The following ADAM33 variants were observed in gnomAD, a reference collection of about 807,000 sequenced individuals.
ADAM33 encodes the protein ADAM metallopeptidase domain 33.
ADAM33 carries 103 observed loss-of-function variants against 106.2 expected under a neutral mutation model. That is an observed-to-expected ratio of 0.97 (90% CI 0.83 to 1.14). The LOEUF (loss-of-function observed/expected upper bound fraction) is 1.14. Among genes scored for constraint, ADAM33 ranks in the 50% most tolerant of loss-of-function variants. ADAM33 has a pLI of 0.00. For synonymous variants in ADAM33, 483 were observed against 453.0 expected (o/e 1.07, Z -0.84); for missense variants, 1,120 against 1,096.6 (o/e 1.02, Z -0.30).
chr20:3,669,522 A>G, intron 20 of ADAM33, 24 bp downstream of exon 20: 1 of 1,557,410 alleles, frequency 6.4e-7, no homozygotes. Flanking sequence ...TTCCCTCTCC[A>G]CCTCCCCCTG....
chr20:3,681,698 G>C (rs1322604867), intron 1 of ADAM33, among the ~76,000 whole-genome samples: 1 of 152,138 alleles, frequency 6.6e-6, no homozygotes, highest in Non-Finnish European at 1.5e-5. Context: ...GCAAGTCCGG[G>C]CCCGGGGCCA....
At chr20:3,674,177 G>T in intron 7 of ADAM33, 42 bp from the exon 8 acceptor site, 2 of 1,614,140 alleles carry the variant, frequency 1.2e-6, no homozygotes, top group Non-Finnish European at 1.7e-6. Context: ...GGCTGAGCTG[G>T]CCCCATCCCT....
intron 15 of ADAM33, 43 bp from the exon 16 acceptor site, chr20:3,671,822 C>T (rs1248365988): frequency 1.9e-6 from 3 of 1,551,588 alleles, no homozygotes; most frequent in Non-Finnish European, 1.7e-6. Flanking sequence ...CAGTACCCCC[C>T]TTCCCCAAAC....
intron 18 of ADAM33, 37 bp from the exon 19 acceptor site, chr20:3,671,190 C>A: frequency 2.5e-6 from 4 of 1,612,798 alleles, no homozygotes; most frequent in Non-Finnish European, 3.4e-6. Flanking sequence ...GAGTCCTGAG[C>A]AGGTGCACCA....
chr20:3,671,497 C>G lies in ADAM33; in HGVS notation c.1906-1G>C, dbSNP rs777667815. The G allele has an allele frequency of 2.4e-5, 38 of 1,610,812 alleles. No individual in the cohort carries two copies. Among genetic ancestry groups the G allele is most frequent in the Non-Finnish European group, 3.2e-5 (38 of 1,178,130 alleles). On this transcript the variant is annotated splice_acceptor_variant, in intron 16 of 21. Transcript: ENST00000356518. LOFTEE classifies it high-confidence loss of function. The stretch of plus-strand genomic sequence containing the variant: ...TCCTGCAGCGCCTGCTCTGGCACAC[C>G]TACGGGCAGTGCACCAGGCAGTGAG...
intron 1 of ADAM33, among the ~76,000 whole-genome samples, chr20:3,679,893 C>G (rs1430717441): frequency 2.6e-5 from 4 of 152,178 alleles, no homozygotes; most frequent in Admixed American, 1.3e-4. Context: ...GCCGCCAGTG[C>G]AGAGGGGAAG....
intron 8 of ADAM33, 65 bp from the exon 9 acceptor site, chr20:3,673,976 G>A (rs2087758140): frequency 6.3e-7 from 1 of 1,598,326 alleles, no homozygotes; most frequent in Non-Finnish European, 8.5e-7. Context: ...CCTTCGTGGG[G>A]CGCCCTTCCT....
intron 19 of ADAM33, chr20:3,670,668 G>C: frequency 3.2e-6 from 1 of 316,038 alleles, no homozygotes; most frequent in Non-Finnish European, 6.0e-6. Flanking sequence ...GGGCAGCATG[G>C]TACAGGGACT....
At position 3,677,085 on chromosome 20, in the gene ADAM33, A is replaced by G. The variant is rs781399015; in HGVS notation, c.236T>C (p.Leu79Pro). The change falls in exon 3 of 22, where the codon CTT becomes CCT. Residue 79 changes from leucine to proline, a missense_variant. By Grantham distance (98) the Leu-to-Pro change is moderately conservative (BLOSUM62 -3). Coordinates refer to ENST00000356518, the MANE Select transcript of ADAM33 (RefSeq NM_025220.5). ...CACTCACTGGTTCTTCTCCAGCTCA[A>G]GCAGGAGCTCCTGGCCTTCAGCCTC... ...ALEAEGQELLLELEKNHRLLA... is the reference protein window; with the variant it reads ...ALEAEGQELLPELEKNHRLLA... 4 of 1,612,798 alleles carry G rather than the reference A, an allele frequency of 2.5e-6. No homozygotes were observed. The highest frequency in any genetic ancestry group is 2.2e-5 in the South Asian group (2 of 91,058).
chr20:3,672,939 C>A lies in ADAM33; in HGVS notation c.1134-41G>T, dbSNP rs776323285. 2.0e-6 allele frequency: 3 copies of A among 1,494,816 alleles called. No individual in the cohort carries two copies. The African/African-American group carries it at 4.2e-5, about 21-fold the overall frequency. The allele number at this position is 1,494,816 out of a possible 1,614,324, so 92.6% of individuals were successfully genotyped here. On this transcript the variant is annotated intron_variant, in intron 11 of 21. Transcript: ENST00000356518. ...GGGCATTGGGCATGGAGGGACAGTC[C>A]CCCAACCCCCGCGCTTCTCTGATCC... is the stretch of plus-strand genomic sequence containing the variant.
chr20:3,670,793 C>T lies in ADAM33; in HGVS notation c.2240+213G>A, dbSNP rs370286392. On this transcript the variant is annotated intron_variant, in intron 19 of 21. Transcript: ENST00000356518. Reference sequence around the variant, plus strand: ...CTGGGAGGTAGAGGGCCATGCCTTGCGGTGCTGGTGGTGGGGCAGGGATCC... The same window carrying T: ...CTGGGAGGTAGAGGGCCATGCCTTGTGGTGCTGGTGGTGGGGCAGGGATCC... Among the ~76,000 whole-genome samples the T allele has an allele frequency of 1.3e-4, 20 of 152,294 alleles. No homozygotes were observed. The East Asian group carries it at 2.3e-3, about 18-fold the overall frequency.
chr20:3,672,915 G>T lies in ADAM33; in HGVS notation c.1134-17C>A, dbSNP rs769070462. The T allele has an allele frequency of 1.9e-6, 3 of 1,546,894 alleles. No homozygotes were observed. In the African/African-American group the frequency reaches 4.1e-5, roughly 21 times the overall value. ...AACGGGTGCCTACCGGCACGGGGAG[G>T]GCATTGGGCATGGAGGGACAGTCCC... On this transcript the variant is annotated splice_polypyrimidine_tract_variant and intron_variant, in intron 11 of 21. Coordinates refer to ENST00000356518, the MANE Select transcript of ADAM33 (RefSeq NM_025220.5).
chr20:3,678,568 G>T (rs1388043992), intron 2 of ADAM33, among the ~76,000 whole-genome samples: 1 of 152,238 alleles, frequency 6.6e-6, no homozygotes, highest in Admixed American at 6.5e-5. Context: ...GTTGGGAGCT[G>T]CTGGGTCTCT....
intron 1 of ADAM33, 143 bp downstream of exon 1, chr20:3,681,765 C>A: frequency 7.7e-7 from 1 of 1,294,096 alleles, no homozygotes; most frequent in Non-Finnish European, 1.0e-6. Flanking sequence ...CCCAAAGAGT[C>A]CCCACGCCCT....
At chr20:3,679,099 G>A (rs940409498) in intron 2 of ADAM33, among the ~76,000 whole-genome samples, 2 of 145,740 alleles carry the variant, frequency 1.4e-5, no homozygotes, top group African/African-American at 5.1e-5. Context: ...AGGGTCACAT[G>A]TTCTGGTCAA....
chr20:3,670,803 G>C (rs41481844), intron 19 of ADAM33, among the ~76,000 whole-genome samples: 5,888 of 152,286 alleles, frequency 0.039, 396 homozygotes, highest in African/African-American at 0.13. Flanking sequence ...CGGTGCTGGT[G>C]GTGGGGCAGG....
chr20:3,669,607 G>A lies in ADAM33; in HGVS notation c.2271C>T (p.Pro757=). ...GPKDGPHRDH[P]LGGVHPMELG... is the part of the protein sequence containing the mutation. Reference sequence around the variant, plus strand: ...ACTCCATGGGGTGAACGCCGCCCAGGGGGTGGTCCCTGTGTGGGCCATCTT... The same window carrying A: ...ACTCCATGGGGTGAACGCCGCCCAGAGGGTGGTCCCTGTGTGGGCCATCTT... The change falls in exon 20 of 22, where the codon CCC becomes CCT. Residue 757 remains proline (P), a synonymous_variant. Transcript: ENST00000356518. 1 of 1,603,766 alleles carries A rather than the reference G, an allele frequency of 6.2e-7. No individual in the cohort carries two copies. The highest frequency in any genetic ancestry group is 2.2e-5 in the East Asian group (1 of 44,550).
chr20:3,673,954 C>G (rs761132920), intron 8 of ADAM33, 43 bp from the exon 9 acceptor site: 16 of 1,579,566 alleles, frequency 1.0e-5, no homozygotes, highest in African/African-American at 1.3e-5. Context: ...GGCGCCCCAT[C>G]GCGCCGGTGG....
chr20:3,679,763 G>A (rs1344480259), intron 1 of ADAM33, among the ~76,000 whole-genome samples, 192 bp from the exon 2 acceptor site: 1 of 152,078 alleles, frequency 6.6e-6, no homozygotes, highest in East Asian at 1.9e-4. Context: ...GATCTGAGGA[G>A]CTATCAAGGA....
Sources: gnomAD v4.1 joint callset for allele counts (sites outside exome capture counted in the v4.1 genomes callset) on GRCh38, gnomAD v4.1.1 for gene constraint, MANE v1.5 for transcripts, NCBI Gene and HGNC (gene_info 2026-07-23, HGNC 2026-07-21) for gene names.